FGF12: variants seen among roughly 807,000 people sequenced by gnomAD.
The protein encoded by FGF12 is fibroblast growth factor 12.
A neutral mutation model predicts 23.6 loss-of-function variants in FGF12; 14 were observed. That is an observed-to-expected ratio of 0.59 (90% CI 0.39 to 0.93). The LOEUF is 0.93. Among genes scored for constraint, FGF12 ranks in the 40% least tolerant of loss-of-function variants. The probability of loss-of-function intolerance (pLI) is 0.00; values close to 1 mark genes in which losing one functional copy is unlikely to be tolerated. For synonymous variants in FGF12, 62 were observed against 77.3 expected, an observed-to-expected ratio of 0.80 and a Z score of 1.04; for missense variants, 175 against 217.8, an observed-to-expected ratio of 0.80 and a Z score of 1.24.
rs190768154 is a variant in FGF12, at chr3:192,155,830, T to G, written c.428-11703A>C. On this transcript the variant is annotated intron_variant, in intron 5 of 5. Coordinates refer to ENST00000445105, the MANE Select transcript of FGF12 (RefSeq NM_004113.6). The stretch of plus-strand genomic sequence containing the variant: ...TCAATAGCTACATGAATTCTACAAC[T>G]CTTAAACTGTGGTTCTCAAATTATT... Among the ~76,000 whole-genome samples the G allele has an allele frequency of 3.8e-3, 577 of 152,326 alleles. 4 individuals carry two copies. The highest frequency in any genetic ancestry group is 6.4e-3 in the Non-Finnish European group (432 of 68,028).
At chr3:192,366,590 A>G (rs936640521) in intron 2 of FGF12, among the ~76,000 whole-genome samples, 2 of 152,178 alleles carry the variant, frequency 1.3e-5, no homozygotes, top group Non-Finnish European at 2.9e-5. Flanking sequence ...TTGAGATTCA[A>G]GGAAGCTGCA....
At chr3:192,571,767 A>G (rs932779727) in intron 2 of FGF12, among the ~76,000 whole-genome samples, 1 of 151,864 alleles carries the variant, frequency 6.6e-6, no homozygotes, top group African/African-American at 2.4e-5. Flanking sequence ...CTTCTTCCCC[A>G]CTCAAAGCCA....
chr3:192,357,560 C>T (rs1036231797), intron 3 of FGF12, among the ~76,000 whole-genome samples: 5 of 151,558 alleles, frequency 3.3e-5, no homozygotes, highest in East Asian at 1.9e-4. Flanking sequence ...GGCAACAGAG[C>T]GAGATTCCGT....
intron 4 of FGF12, among the ~76,000 whole-genome samples, chr3:192,206,832 A>C (rs1273235136): frequency 6.6e-6 from 1 of 151,998 alleles, no homozygotes; most frequent in Non-Finnish European, 1.5e-5. Flanking sequence ...CCAACTCTAA[A>C]GCACTGCCCT....
chr3:192,374,424 C>T lies in FGF12; in HGVS notation c.14-13886G>A, dbSNP rs539974444. ...GCTCTGAAAACATCTATATGTACCA[C>T]GTAGGAATTTTTATTCGTAATTTTA... On this transcript the variant is annotated intron_variant, in intron 2 of 5. Transcript: ENST00000445105. 4.3e-4 allele frequency among the ~76,000 whole-genome samples: 65 copies of T among 152,214 alleles called. 2 individuals are homozygous for T. The South Asian group carries it at 0.012, about 28-fold the overall frequency.
intron 2 of FGF12, among the ~76,000 whole-genome samples, chr3:192,553,038 T>C (rs1441364225): frequency 6.6e-6 from 1 of 152,152 alleles, no homozygotes; most frequent in Non-Finnish European, 1.5e-5. Context: ...AAAATGAGGA[T>C]AAAATAAACA....
chr3:192,656,002 A>G (rs2886787), intron 2 of FGF12, among the ~76,000 whole-genome samples: 81,199 of 143,870 alleles, frequency 0.56, 23,204 homozygotes, highest in East Asian at 0.67. Flanking sequence ...GAAACGTTAC[A>G]TGCCAGAAAA....
rs1209224487 is a variant in FGF12, at chr3:192,142,757, T to C, written c.*1252A>G. On this transcript the variant is annotated 3_prime_UTR_variant, in exon 6 of 6. Coordinates refer to ENST00000445105, the MANE Select transcript of FGF12 (RefSeq NM_004113.6). ...CTACACACCTTGAAAATTTAGTGTA[T>C]TACTGGTACCCTTCTGTGTTCTAGG... 1.3e-5 allele frequency: 2 copies of C among 152,080 alleles called. No homozygotes were observed. Among genetic ancestry groups the C allele is most frequent in the Non-Finnish European group, 2.9e-5 (2 of 67,980 alleles). The allele number at this position is 152,080 out of a possible 1,614,324, so 9.4% of individuals were successfully genotyped here. A position where few individuals can be genotyped will look rare whatever the true frequency, so the allele number is the denominator to read the frequency against.
chr3:192,533,811 G>C (rs1007149979), intron 2 of FGF12, among the ~76,000 whole-genome samples: 4 of 152,290 alleles, frequency 2.6e-5, no homozygotes, highest in East Asian at 3.9e-4. Context: ...ATAGGGAATA[G>C]TTCTGTGTCT....
At chr3:192,266,242 T>C (rs1301864722) in intron 4 of FGF12, among the ~76,000 whole-genome samples, 7 of 152,208 alleles carry the variant, frequency 4.6e-5, no homozygotes, top group Admixed American at 6.6e-5. Context: ...CCTTGTACTT[T>C]GGTTATGTCT....
chr3:192,387,718 A>AATAT lies in FGF12; in HGVS notation c.14-27184_14-27181dup, dbSNP rs61165047. ...ACAAAAAAAAAATACACACACACAC[A>AATAT]ATATATATATATATATAAATTATCT... On this transcript the variant is annotated intron_variant, in intron 2 of 5. Coordinates refer to ENST00000445105, the MANE Select transcript of FGF12 (RefSeq NM_004113.6). 1.9e-3 allele frequency among the ~76,000 whole-genome samples: 285 copies of AATAT among 147,550 alleles called. 1 individual carries two copies. In the East Asian group the frequency reaches 0.024, roughly 12 times the overall value.
chr3:192,252,966 C>CGAT (rs1208804154), intron 4 of FGF12, among the ~76,000 whole-genome samples: 1 of 152,070 alleles, frequency 6.6e-6, no homozygotes, highest in African/African-American at 2.4e-5. Flanking sequence ...AACTAAATCA[C>CGAT]ATCAGTTGTT....
At chr3:192,656,466 G>A (rs150519351) in intron 2 of FGF12, among the ~76,000 whole-genome samples, 23 of 152,270 alleles carry the variant, frequency 1.5e-4, no homozygotes, top group African/African-American at 5.3e-4. Context: ...CTCTAGTGCA[G>A]TGGTTCTCAG....
At chr3:192,187,824 G>C (rs897200527) in intron 4 of FGF12, among the ~76,000 whole-genome samples, 2 of 150,778 alleles carry the variant, frequency 1.3e-5, no homozygotes. Flanking sequence ...AGTGAAGGAA[G>C]GTGAAGAAAG....
rs1721128626 is a variant in FGF12 at position 192,409,774 on chromosome 3, C to G, written c.14-49236G>C. Among the ~76,000 whole-genome samples, 1 of 152,078 alleles carries G rather than the reference C, an allele frequency of 6.6e-6. No individual in the cohort carries two copies. Among genetic ancestry groups the G allele is most frequent in the African/African-American group, 2.4e-5 (1 of 41,438 alleles). On this transcript the variant is annotated intron_variant, in intron 2 of 5. Transcript: ENST00000445105. The surrounding 1 kb of genome is among the most constrained non-coding windows in gnomAD (Gnocchi z 4.8). Reference sequence around the variant, plus strand: ...GGCTACCTCGCGAGGCAGCCGAGGGCGCAACCCGGGCGCTTGGGGCCGGAG... The same window carrying G: ...GGCTACCTCGCGAGGCAGCCGAGGGGGCAACCCGGGCGCTTGGGGCCGGAG...
intron 4 of FGF12, among the ~76,000 whole-genome samples, chr3:192,241,371 C>A (rs1719609422): frequency 6.6e-6 from 1 of 151,966 alleles, no homozygotes; most frequent in Non-Finnish European, 1.5e-5. Context: ...ATTTTCAATA[C>A]TTCAAAATAA....
chr3:192,326,927 G>T (rs1003366505), intron 4 of FGF12, among the ~76,000 whole-genome samples: 1 of 152,142 alleles, frequency 6.6e-6, no homozygotes, highest in Non-Finnish European at 1.5e-5. Context: ...TTATTGCAAG[G>T]CTCAAATGTG....
At position 192,379,423 on chromosome 3, in the gene FGF12, A is replaced by T. The variant is rs1266206941; in HGVS notation, c.14-18885T>A. ...TTTGCGTGAACCTGAAACTGCTCTA[A>T]AAAAAAAAAAAAAAAAAAGCCTATC... On this transcript the variant is annotated intron_variant, in intron 2 of 5. Transcript: ENST00000445105. 7.4e-4 allele frequency among the ~76,000 whole-genome samples: 65 copies of T among 87,616 alleles called. 1 individual carries two copies. In the South Asian group the frequency reaches 0.011, roughly 15 times the overall value. The allele number at this position is 87,616 out of a possible 152,430, so 57.5% of individuals were successfully genotyped here. A position where few individuals can be genotyped will look rare whatever the true frequency, so the allele number is the denominator to read the frequency against.
At chr3:192,334,776 A>G (rs78292527) in intron 4 of FGF12, among the ~76,000 whole-genome samples, 5,700 of 152,254 alleles carry the variant, frequency 0.037, 212 homozygotes, top group South Asian at 0.17. Context: ...GCCCAAAGGG[A>G]TATCAAGATA....
Sources: allele counts gnomAD v4.1 joint callset (sites outside exome capture counted in the v4.1 genomes callset), GRCh38; gene constraint gnomAD v4.1.1; non-coding constraint Gnocchi (gnomAD v3.1); transcripts MANE v1.5; gene names NCBI Gene and HGNC (gene_info 2026-07-23, HGNC 2026-07-21).